The following CNTNAP2 variants were observed in gnomAD, a reference collection of about 807,000 sequenced individuals.
CNTNAP2 encodes contactin associated protein 2.
Under a neutral mutation model 155.2 loss-of-function variants are expected in CNTNAP2, and 98 were observed. That is an observed-to-expected ratio of 0.63 (90% confidence interval 0.54 to 0.75). The LOEUF (loss-of-function observed/expected upper bound fraction) is 0.75, where lower values mean the gene tolerates loss of function less well. Ranked by LOEUF, CNTNAP2 falls within the 30% of genes least tolerant of loss-of-function variation. The probability of loss-of-function intolerance (pLI) is 0.00; values close to 1 mark genes in which losing one functional copy is unlikely to be tolerated. For synonymous variants in CNTNAP2, 651 were observed against 631.2 expected (o/e 1.03, Z -0.47); for missense variants, 1,727 against 1,688.1 (o/e 1.02, Z -0.40).
chr7:148,201,148 A>G (rs73744774), intron 18 of CNTNAP2, among the ~76,000 whole-genome samples: 1,931 of 152,336 alleles, frequency 0.013, 49 homozygotes, highest in African/African-American at 0.042. Context: ...TCTCAGAATA[A>G]AAATAATTAC....
At chr7:146,957,042 C>T (rs752097530) in intron 3 of CNTNAP2, among the ~76,000 whole-genome samples, 1 of 152,022 alleles carries the variant, frequency 6.6e-6, no homozygotes. Context: ...TCTGAACAAC[C>T]GGGGTATGTT....
chr7:147,224,180 G>A (rs1459339287), intron 8 of CNTNAP2, among the ~76,000 whole-genome samples: 1 of 152,108 alleles, frequency 6.6e-6, no homozygotes, highest in Non-Finnish European at 1.5e-5. Context: ...TCTAAGAAGA[G>A]TTGTTGGTTT....
intron 17 of CNTNAP2, among the ~76,000 whole-genome samples, chr7:148,158,477 T>G (rs1353683318): frequency 6.6e-6 from 1 of 152,164 alleles, no homozygotes; most frequent in Non-Finnish European, 1.5e-5. Context: ...GGCCTCAGCT[T>G]CCCAAGGTGC....
intron 15 of CNTNAP2, among the ~76,000 whole-genome samples, chr7:147,996,047 C>T (rs1801798980): frequency 6.6e-6 from 1 of 152,196 alleles, no homozygotes; most frequent in Admixed American, 6.5e-5. Context: ...GAGGGTCACA[C>T]ACCTATGTTT....
chr7:146,897,072 CAA>C (rs1408633305), intron 3 of CNTNAP2, among the ~76,000 whole-genome samples: 1 of 147,752 alleles, frequency 6.8e-6, no homozygotes, highest in Non-Finnish European at 1.5e-5. Flanking sequence ...ATATTGAACA[CAA>C]GTAACCTCAT....
At chr7:147,876,740 C>G (rs141648166) in intron 13 of CNTNAP2, among the ~76,000 whole-genome samples, 1 of 151,926 alleles carries the variant, frequency 6.6e-6, no homozygotes, top group Admixed American at 6.6e-5. Flanking sequence ...GAAGCCTGAA[C>G]GTAGGGTGCT....
intron 1 of CNTNAP2, among the ~76,000 whole-genome samples, chr7:146,356,564 A>T (rs901649125): frequency 1.3e-5 from 2 of 152,192 alleles, no homozygotes. Context: ...ATGAACATCA[A>T]TACAAAGTAA....
At chr7:147,461,603 C>A (rs7796036) in intron 10 of CNTNAP2, among the ~76,000 whole-genome samples, 118,948 of 152,074 alleles carry the variant, frequency 0.78, 46,874 homozygotes, top group African/African-American at 0.88. Flanking sequence ...GAGATGAATT[C>A]TTTTCTTGAA....
At chr7:147,187,689 A>G (rs1027537200) in intron 8 of CNTNAP2, among the ~76,000 whole-genome samples, 2 of 152,184 alleles carry the variant, frequency 1.3e-5, no homozygotes, top group Non-Finnish European at 2.9e-5. Flanking sequence ...ATACCTTAGC[A>G]TCACACTATA....
At chr7:147,162,469 T>A (rs1337646005) in intron 8 of CNTNAP2, among the ~76,000 whole-genome samples, 1 of 152,218 alleles carries the variant, frequency 6.6e-6, no homozygotes, top group Non-Finnish European at 1.5e-5. Flanking sequence ...TTCCTCCATG[T>A]GTTGCACATG....
At chr7:147,947,404 G>C (rs1163558565) in intron 14 of CNTNAP2, among the ~76,000 whole-genome samples, 1 of 142,750 alleles carries the variant, frequency 7.0e-6, no homozygotes, top group Non-Finnish European at 1.5e-5. Flanking sequence ...GATTGCTTGA[G>C]CCCAGGAGTT....
intron 16 of CNTNAP2, among the ~76,000 whole-genome samples, chr7:148,141,875 G>A (rs1805079653): frequency 6.6e-6 from 1 of 152,296 alleles, no homozygotes; most frequent in Middle Eastern, 3.4e-3. Flanking sequence ...AGGCCCTGGG[G>A]CAGGAGCAGT....
intron 14 of CNTNAP2, among the ~76,000 whole-genome samples, chr7:147,907,348 G>T (rs117712739): frequency 6.6e-6 from 1 of 152,108 alleles, no homozygotes; most frequent in African/African-American, 2.4e-5. Context: ...GAGCCATCGC[G>T]CCCAGCCATG....
intron 1 of CNTNAP2, among the ~76,000 whole-genome samples, chr7:146,347,268 T>C (rs1794833994): frequency 6.6e-6 from 1 of 151,508 alleles, no homozygotes; most frequent in South Asian, 2.1e-4. Flanking sequence ...ATAGGAAGAA[T>C]GTTCAGGCAG....
chr7:147,066,817 T>G (rs1799787423), intron 4 of CNTNAP2, among the ~76,000 whole-genome samples: 1 of 152,206 alleles, frequency 6.6e-6, no homozygotes, highest in African/African-American at 2.4e-5. Flanking sequence ...CAAATTACCA[T>G]AGATTGGGTG....
chr7:147,198,480 C>T (rs1266918024), intron 8 of CNTNAP2, among the ~76,000 whole-genome samples: 3 of 152,188 alleles, frequency 2.0e-5, no homozygotes, highest in African/African-American at 7.2e-5. Flanking sequence ...GATCCACCCA[C>T]CTCAGCCTCC....
chr7:147,665,787 C>T (rs1211013466), intron 13 of CNTNAP2, among the ~76,000 whole-genome samples: 1 of 148,462 alleles, frequency 6.7e-6, no homozygotes, highest in Non-Finnish European at 1.5e-5. Flanking sequence ...CATGTTCCTA[C>T]AGAGGACATG....
chr7:148,022,556 G>A (rs1026193559), intron 15 of CNTNAP2, among the ~76,000 whole-genome samples: 3 of 152,064 alleles, frequency 2.0e-5, no homozygotes, highest in Non-Finnish European at 4.4e-5. Flanking sequence ...AATAGTCTTA[G>A]TGACCATGGC....
At chr7:146,880,668 T>C (rs1795530004) in intron 3 of CNTNAP2, among the ~76,000 whole-genome samples, 1 of 152,168 alleles carries the variant, frequency 6.6e-6, no homozygotes, top group African/African-American at 2.4e-5. Flanking sequence ...TTCTAATACT[T>C]TGATGACAAT....
Sources: allele counts gnomAD v4.1 joint callset (sites outside exome capture counted in the v4.1 genomes callset), GRCh38; gene constraint gnomAD v4.1.1; transcripts MANE v1.5; gene names NCBI Gene and HGNC (gene_info 2026-07-23, HGNC 2026-07-21).